The following BCAS3 variants were observed in gnomAD, a reference collection of about 807,000 sequenced individuals.
BCAS3 encodes BCAS4/BCAS3 fusion.
BCAS3 carries 53 observed loss-of-function variants against 116.1 expected under a neutral mutation model. The observed-to-expected ratio is 0.46, with a 90% CI of 0.37 to 0.57. The LOEUF is 0.57. Ranked by LOEUF, BCAS3 falls within the 20% of genes least tolerant of loss-of-function variation. The probability of loss-of-function intolerance (pLI) is 0.00; values close to 1 mark genes in which losing one functional copy is unlikely to be tolerated. For missense variants in BCAS3, 917 were observed against 1,165.4 expected (o/e 0.79, Z 3.10); for synonymous variants, 391 against 408.2 (o/e 0.96, Z 0.51).
At chr17:61,250,660 C>T (rs2048302771) in intron 22 of BCAS3, among the ~76,000 whole-genome samples, 1 of 152,204 alleles carries the variant, frequency 6.6e-6, no homozygotes, top group Non-Finnish European at 1.5e-5. Context: ...AAAAGGCATT[C>T]TTTTCAGTGA....
At chr17:61,225,175 T>TA (rs4011678) in intron 22 of BCAS3, among the ~76,000 whole-genome samples, 2 of 151,418 alleles carry the variant, frequency 1.3e-5, no homozygotes, top group East Asian at 1.9e-4. Context: ...TTTTTTTTTT[T>TA]AAAGAAATAA....
chr17:61,246,792 AGTGTGTGTGTGTGTGT>A (rs61382195), intron 22 of BCAS3, among the ~76,000 whole-genome samples: 5 of 144,128 alleles, frequency 3.5e-5, no homozygotes, highest in African/African-American at 7.6e-5. Flanking sequence ...TTTGAGTGAG[AGTGTGTGTGTGTGTGT>A]GTGTGTGTGT....
chr17:60,829,827 C>T (rs921634267), intron 7 of BCAS3, among the ~76,000 whole-genome samples: 2 of 152,016 alleles, frequency 1.3e-5, no homozygotes, highest in African/African-American at 4.8e-5. Flanking sequence ...AAATGTGTGT[C>T]ATTTCCTGTG....
chr17:61,125,587 A>G (rs1030728754), intron 22 of BCAS3, among the ~76,000 whole-genome samples: 1 of 152,214 alleles, frequency 6.6e-6, no homozygotes, highest in Non-Finnish European at 1.5e-5. Flanking sequence ...GTAATTATCA[A>G]TAATCTATGA....
intron 16 of BCAS3, among the ~76,000 whole-genome samples, chr17:61,022,181 C>T (rs962576514): frequency 6.6e-6 from 1 of 152,122 alleles, no homozygotes; most frequent in African/African-American, 2.4e-5. Flanking sequence ...CCACACCATA[C>T]TGTAAATCTG....
At chr17:60,747,156 T>C in intron 5 of BCAS3, 42 bp from the exon 6 acceptor site, 2 of 1,418,312 alleles carry the variant, frequency 1.4e-6, no homozygotes, top group Non-Finnish European at 2.0e-6. Flanking sequence ...TGTTGTGACC[T>C]TCATTTTCCC....
Position 61,364,163 on chromosome 17 carries a change from G to C in BCAS3, c.2426-4164G>C, listed in dbSNP as rs1043840346. Among the ~76,000 whole-genome samples, 1 of 152,202 alleles carries C rather than the reference G, an allele frequency of 6.6e-6. No homozygotes were observed. Among genetic ancestry groups the C allele is most frequent in the African/African-American group, 2.4e-5 (1 of 41,454 alleles). On this transcript the variant is annotated intron_variant, in intron 22 of 23. Transcript: ENST00000407086. This position sits in a 1 kb window ranked among gnomAD's most constrained non-coding sequence, Gnocchi z 5.4. The stretch of plus-strand genomic sequence containing the variant: ...CTCAGGACGGTAGAAATGATCAGGT[G>C]CTTCTTTGCTGAACACTTCTGATAT...
At chr17:60,933,397 G>A (rs1396066543) in intron 13 of BCAS3, among the ~76,000 whole-genome samples, 1 of 152,174 alleles carries the variant, frequency 6.6e-6, no homozygotes. Context: ...CTGAGCAACT[G>A]AGAAATGTAA....
In BCAS3 at chr17:61,100,873, TTG is replaced by T. The variant is rs199725027; in HGVS notation, c.2425+16311_2425+16312del. 1.3e-3 allele frequency among the ~76,000 whole-genome samples: 180 copies of T among 141,506 alleles called. 1 individual carries two copies. Among genetic ancestry groups the T allele is most frequent in the African/African-American group, 4.9e-3 (151 of 31,050 alleles). 92.8% of individuals were successfully genotyped at this position (141,506 alleles called of 152,430 possible). ...TTTAACAACATACTTTTTAGATTTT[TTG>T]TTTTCAACAGTTGAAGATGCTGAGG... is the stretch of plus-strand genomic sequence containing the variant. On this transcript the variant is annotated intron_variant, in intron 22 of 23. Coordinates refer to ENST00000407086, the MANE Select transcript of BCAS3 (RefSeq NM_017679.5).
chr17:61,036,587 C>T (rs972672429), intron 17 of BCAS3, among the ~76,000 whole-genome samples: 2 of 152,156 alleles, frequency 1.3e-5, no homozygotes, highest in African/African-American at 2.4e-5. Flanking sequence ...TTATGTCCCT[C>T]TGGCTGATCA....
intron 22 of BCAS3, among the ~76,000 whole-genome samples, chr17:61,183,493 C>T (rs1247644220): frequency 1.3e-5 from 2 of 152,000 alleles, no homozygotes; most frequent in Non-Finnish European, 2.9e-5. Flanking sequence ...GACTCATAAA[C>T]ATATGTTTGT....
intron 13 of BCAS3, among the ~76,000 whole-genome samples, chr17:60,929,946 C>T (rs981528184): frequency 6.6e-6 from 1 of 152,024 alleles, no homozygotes; most frequent in East Asian, 1.9e-4. Flanking sequence ...ATATGTGCCA[C>T]ATTTTCTTAA....
In BCAS3 at chr17:61,319,959, C is replaced by T. The variant is rs551358882; in HGVS notation, c.2426-48368C>T. Among the ~76,000 whole-genome samples, 17 of 148,374 alleles carry T rather than the reference C, an allele frequency of 1.1e-4. No individual in the cohort carries two copies. In the South Asian group the frequency reaches 2.1e-3, roughly 18 times the overall value. Reference sequence around the variant, plus strand: ...AGGCTGGAGTGTAGTGGCACAGTCTCGGCTCACTGCAACCTCTGCCTCCTG... The same window carrying T: ...AGGCTGGAGTGTAGTGGCACAGTCTTGGCTCACTGCAACCTCTGCCTCCTG... On this transcript the variant is annotated intron_variant, in intron 22 of 23. Coordinates refer to ENST00000407086, the MANE Select transcript of BCAS3 (RefSeq NM_017679.5).
chr17:60,768,483 C>T (rs1468384977), intron 6 of BCAS3, among the ~76,000 whole-genome samples: 2 of 152,318 alleles, frequency 1.3e-5, no homozygotes, highest in Non-Finnish European at 2.9e-5. Flanking sequence ...TGTCGAACAT[C>T]GGACTCCAGG....
At chr17:60,786,244 C>T (rs1212501322) in intron 6 of BCAS3, among the ~76,000 whole-genome samples, 8 of 152,078 alleles carry the variant, frequency 5.3e-5, no homozygotes. Flanking sequence ...CCGGATAGTT[C>T]AGTTGGTAGA....
At position 61,102,959 on chromosome 17, in the gene BCAS3, C is replaced by T. The variant is rs569716486; in HGVS notation, c.2425+18395C>T. 5.3e-5 allele frequency among the ~76,000 whole-genome samples: 8 copies of T among 152,200 alleles called. No homozygotes were observed. In the South Asian group the frequency reaches 1.2e-3, roughly 24 times the overall value. On this transcript the variant is annotated intron_variant, in intron 22 of 23. Coordinates refer to ENST00000407086, the MANE Select transcript of BCAS3 (RefSeq NM_017679.5). ...GAGCATCCTAAGAAGATAGGTTATA[C>T]TATTGTCCCCATTTTACAGTTGAGA...
intron 4 of BCAS3, among the ~76,000 whole-genome samples, chr17:60,698,007 G>A (rs1010538437): frequency 4.6e-5 from 7 of 151,632 alleles, no homozygotes; most frequent in East Asian, 1.9e-4. Context: ...GTAAAACCCC[G>A]TCTCTACTAA....
chr17:61,318,916 G>A (rs1359483163), intron 22 of BCAS3, among the ~76,000 whole-genome samples: 5 of 152,118 alleles, frequency 3.3e-5, no homozygotes, highest in African/African-American at 4.8e-5. Flanking sequence ...TTTCACTCCC[G>A]GAGTGACATA....
At chr17:61,027,312 A>G in intron 16 of BCAS3, 1 of 438,062 alleles carries the variant, frequency 2.3e-6, no homozygotes, top group South Asian at 1.7e-5. Flanking sequence ...TTTAAGGTAT[A>G]CCAAAAGCAC....
Sources: allele counts gnomAD v4.1 joint callset (sites outside exome capture counted in the v4.1 genomes callset), GRCh38; gene constraint gnomAD v4.1.1; non-coding constraint Gnocchi (gnomAD v3.1); transcripts MANE v1.5; gene names NCBI Gene and HGNC (gene_info 2026-07-23, HGNC 2026-07-21).